SPATA22: variants seen among roughly 807,000 people sequenced by gnomAD.
SPATA22 encodes spermatogenesis-associated protein 22.
In SPATA22, 29 loss-of-function variants were observed where a neutral mutation model predicts 47.8. The observed-to-expected ratio is 0.61, with a 90% CI of 0.45 to 0.83. The LOEUF (loss-of-function observed/expected upper bound fraction) is 0.83, where lower values mean the gene tolerates loss of function less well. SPATA22 is among the 40% of genes least tolerant of loss of function. The probability of loss-of-function intolerance (pLI) is 0.00; values close to 1 mark genes in which losing one functional copy is unlikely to be tolerated. For synonymous variants in SPATA22, 133 were observed against 140.9 expected (o/e 0.94, Z 0.40); for missense variants, 410 against 421.7 (o/e 0.97, Z 0.24).
At position 3,485,892 on chromosome 17, in the gene SPATA22, A is replaced by ATGGCAGCTATCCATGCCAGTG. The variant is rs1321951966; in HGVS notation, c.-73-16515_-73-16495dup. On this transcript the variant is annotated intron_variant, in intron 1 of 8. Transcript: ENST00000541913. This position sits in a 1 kb window ranked among gnomAD's most constrained non-coding sequence, Gnocchi z 4.4. ...CACAGGGTGACATAGAGAGAGCCAG[A>ATGGCAGCTATCCATGCCAGTG]TGGCAGCTATCCATGCCAGTGGTTG... Among the ~76,000 whole-genome samples, 2 of 151,202 alleles carry ATGGCAGCTATCCATGCCAGTG rather than the reference A, an allele frequency of 1.3e-5. No homozygotes were observed. Among genetic ancestry groups the ATGGCAGCTATCCATGCCAGTG allele is most frequent in the Non-Finnish European group, 2.9e-5 (2 of 67,936 alleles).
chr17:3,486,908 C>T (rs2073732449), intron 1 of SPATA22, among the ~76,000 whole-genome samples: 1 of 152,102 alleles, frequency 6.6e-6, no homozygotes, highest in Non-Finnish European at 1.5e-5. Context: ...GATTGTAGGA[C>T]ATGGCTATGG....
At position 3,499,073 on chromosome 17, in the gene SPATA22, C is replaced by T. The variant is rs749049390; in HGVS notation, c.-74+14339G>A. On this transcript the variant is annotated intron_variant, in intron 1 of 8. Coordinates refer to the SPATA22 transcript ENST00000541913. ...TAACGCTCAATGCAAAAAGTATTCG[C>T]TGCTGTTTACATTAGAAATCACTTC... is the stretch of plus-strand genomic sequence containing the variant. 2.3e-5 allele frequency: 37 copies of T among 1,613,872 alleles called. No homozygotes were observed. The Admixed American group carries it at 3.3e-4, about 15-fold the overall frequency.
At chr17:3,511,290 T>G (rs998032808) in intron 1 of SPATA22, 4 of 152,162 alleles carry the variant, frequency 2.6e-5, no homozygotes, top group Non-Finnish European at 5.9e-5. Flanking sequence ...AAAATAGTCC[T>G]GCCCCCCAAT....
At chr17:3,470,421 G>T (rs1326862290) in intron 1 of SPATA22, among the ~76,000 whole-genome samples, 1 of 152,160 alleles carries the variant, frequency 6.6e-6, no homozygotes, top group Non-Finnish European at 1.5e-5. Flanking sequence ...GTCAGGCCGA[G>T]GTGTTAACTT....
At position 3,446,690 on chromosome 17, in the gene SPATA22, T is replaced by C. The variant is rs1240633241; in HGVS notation, c.673-89A>G. ...CCTTCTACGTAAAAATTCTAAGTCC[T>C]TACAATGGACAAGTGTGTAAAAAGA... On this transcript the variant is annotated intron_variant, in intron 6 of 8. Transcript: ENST00000572969. 23 of 1,060,510 alleles carry C rather than the reference T, an allele frequency of 2.2e-5. No homozygotes were observed. The East Asian group carries it at 6.4e-4, about 29-fold the overall frequency. 65.7% of individuals were successfully genotyped at this position (1,060,510 alleles called of 1,614,324 possible).
intron 5 of SPATA22, among the ~76,000 whole-genome samples, chr17:3,455,315 C>T (rs1272912504): frequency 3.3e-5 from 5 of 151,994 alleles, no homozygotes; most frequent in African/African-American, 4.8e-5. Context: ...TCCCATTTGT[C>T]GATTTTGTCT....
At chr17:3,491,965 G>T (rs1052420633) in intron 1 of SPATA22, among the ~76,000 whole-genome samples, 1 of 142,008 alleles carries the variant, frequency 7.0e-6, no homozygotes, top group African/African-American at 2.6e-5. Context: ...GGAGCCTCAA[G>T]TTCCTGGGCT....
chr17:3,458,335 G>T (rs117478011), intron 5 of SPATA22, among the ~76,000 whole-genome samples: 21 of 151,982 alleles, frequency 1.4e-4, no homozygotes, highest in Admixed American at 1.4e-3. Context: ...AAGTGTTGGC[G>T]AGGGTGCAGA....
intron 1 of SPATA22, chr17:3,494,267 G>A: frequency 9.4e-7 from 1 of 1,068,670 alleles, no homozygotes; most frequent in Non-Finnish European, 1.4e-6. Flanking sequence ...GCCTCCCAAA[G>A]TGCTGGGATG....
intron 1 of SPATA22, among the ~76,000 whole-genome samples, chr17:3,470,705 C>T (rs7225557): frequency 0.56 from 84,931 of 150,664 alleles, 25,559 homozygotes; most frequent in Non-Finnish European, 0.67. Context: ...GAGCGGAGAT[C>T]GTGCCGCTGC....
chr17:3,484,605 C>T (rs9904168), intron 1 of SPATA22, among the ~76,000 whole-genome samples: 98,738 of 152,124 alleles, frequency 0.65, 33,478 homozygotes, highest in Non-Finnish European at 0.76. Flanking sequence ...AAGGCCATTG[C>T]TGATTTCCAA....
At position 3,503,214 on chromosome 17, in the gene SPATA22, T is replaced by C. The variant is rs547618156; in HGVS notation, c.-74+10198A>G. ...ACTAACATTATCTGGAATGAATGAA[T>C]GAATGAATGAATGAATAAATATTAT... On this transcript the variant is annotated intron_variant, in intron 1 of 8. Coordinates refer to the SPATA22 transcript ENST00000541913. The C allele has an allele frequency of 5.3e-5, 8 of 152,308 alleles. No homozygotes were observed. The South Asian group carries it at 1.7e-3, about 32-fold the overall frequency. 9.4% of individuals were successfully genotyped at this position (152,308 alleles called of 1,614,324 possible). A position where few individuals can be genotyped will look rare whatever the true frequency, so the allele number is the denominator to read the frequency against.
intron 1 of SPATA22, among the ~76,000 whole-genome samples, chr17:3,487,784 T>C (rs1011358490): frequency 3.3e-5 from 5 of 152,216 alleles, no homozygotes; most frequent in African/African-American, 1.2e-4. Flanking sequence ...ACCTTGAAGA[T>C]TGGAAGCCCA....
At chr17:3,481,306 C>T (rs566876996) in intron 1 of SPATA22, among the ~76,000 whole-genome samples, 3 of 152,060 alleles carry the variant, frequency 2.0e-5, no homozygotes, top group East Asian at 1.9e-4. Context: ...GGATATGTTG[C>T]GTTCAAGATT....
rs192643700 is a variant in SPATA22, at chr17:3,478,563, G to A, written c.-73-9165C>T. Reference sequence around the variant, plus strand: ...ATTTGTTGAAGGATAACTTTTAGTCGGCATATTAACTTCCCAAATAGGTGT... The same window carrying A: ...ATTTGTTGAAGGATAACTTTTAGTCAGCATATTAACTTCCCAAATAGGTGT... On this transcript the variant is annotated intron_variant, in intron 1 of 8. Coordinates refer to the SPATA22 transcript ENST00000541913. 3.2e-4 allele frequency among the ~76,000 whole-genome samples: 48 copies of A among 152,152 alleles called. No individual in the cohort carries two copies. In the East Asian group the frequency reaches 5.4e-3, roughly 17 times the overall value.
rs1197902707 is a variant in SPATA22, at chr17:3,485,933, CCTT to C, written c.-73-16538_-73-16536del. ...CCAGTGGTTGCATTCTAGGAGGGAA[CCTT>C]TTTTTTTTTTTTTGAGACGGAGTTT... On this transcript the variant is annotated intron_variant, in intron 1 of 8. Transcript: ENST00000541913. This position sits in a 1 kb window ranked among gnomAD's most constrained non-coding sequence, Gnocchi z 4.4. 1.0e-5 allele frequency among the ~76,000 whole-genome samples: 1 copy of C among 96,282 alleles called. No homozygotes were observed. Among genetic ancestry groups the C allele is most frequent in the Non-Finnish European group, 2.5e-5 (1 of 40,640 alleles). 63.2% of individuals were successfully genotyped at this position (96,282 alleles called of 152,430 possible).
intron 1 of SPATA22, among the ~76,000 whole-genome samples, chr17:3,492,921 G>C (rs1454097537): frequency 6.6e-6 from 1 of 152,160 alleles, no homozygotes; most frequent in African/African-American, 2.4e-5. Flanking sequence ...ACTAAATTAG[G>C]AGGTGGTTGT....
intron 8 of SPATA22, chr17:3,441,811 A>G (rs1052966856): frequency 2.1e-5 from 3 of 145,876 alleles, no homozygotes; most frequent in African/African-American, 7.6e-5. Context: ...TATTATACAT[A>G]GCAATATAAA....
chr17:3,498,221 A>G (rs910589971), intron 1 of SPATA22, among the ~76,000 whole-genome samples: 1 of 152,248 alleles, frequency 6.6e-6, no homozygotes, highest in Non-Finnish European at 1.5e-5. Context: ...ATTTTGCTGA[A>G]CAGAATTTAA....
Sources: allele counts gnomAD v4.1 joint callset (sites outside exome capture counted in the v4.1 genomes callset), GRCh38; gene constraint gnomAD v4.1.1; non-coding constraint Gnocchi (gnomAD v3.1); transcripts MANE v1.5; gene names NCBI Gene and HGNC (gene_info 2026-07-23, HGNC 2026-07-21).